Variants in FAM219A observed in about 807,000 individuals in gnomAD.
FAM219A encodes the protein protein FAM219A.
FAM219A carries 7 observed loss-of-function variants against 23.4 expected under a neutral mutation model. The observed-to-expected ratio is 0.30, with a 90% CI of 0.17 to 0.56. The LOEUF is 0.56. Among genes scored for constraint, FAM219A ranks in the 20% least tolerant of loss-of-function variants. FAM219A has a pLI of 0.92. For synonymous variants in FAM219A, 93 were observed against 99.0 expected (o/e 0.94, Z 0.36); for missense variants, 166 against 246.9 (o/e 0.67, Z 2.20).
At chr9:34,401,319 G>A (rs537092552) in intron 5 of FAM219A, among the ~76,000 whole-genome samples, 197 bp from the exon 6 acceptor site, 2 of 152,176 alleles carry the variant, frequency 1.3e-5, no homozygotes, top group East Asian at 3.9e-4. Context: ...TCTCTTTCTA[G>A]TCACCCCTCC....
At chr9:34,411,157 G>T (rs1821805732) in intron 1 of FAM219A, among the ~76,000 whole-genome samples, 1 of 152,100 alleles carries the variant, frequency 6.6e-6, no homozygotes, top group Admixed American at 6.5e-5. Context: ...GGTGATGAAA[G>T]ACCTGACCAC....
At chr9:34,425,341 A>T (rs959035656) in intron 1 of FAM219A, among the ~76,000 whole-genome samples, 19 of 151,970 alleles carry the variant, frequency 1.3e-4, no homozygotes, top group South Asian at 1.0e-3. Flanking sequence ...TTAGCTGGAC[A>T]TGGTGGTGGG....
At chr9:34,436,154 C>T (rs1311663654) in intron 1 of FAM219A, among the ~76,000 whole-genome samples, 2 of 151,750 alleles carry the variant, frequency 1.3e-5, no homozygotes, top group Non-Finnish European at 2.9e-5. Context: ...GTTGCAGCTA[C>T]TAATAACTAT....
At chr9:34,418,895 C>T (rs1822139309) in intron 1 of FAM219A, among the ~76,000 whole-genome samples, 1 of 152,072 alleles carries the variant, frequency 6.6e-6, no homozygotes, top group Admixed American at 6.6e-5. Flanking sequence ...CACAGCGAAA[C>T]CCTGTCTCTA....
At chr9:34,401,526 C>T (rs897637661) in intron 5 of FAM219A, 140 bp downstream of exon 5, 20 of 944,716 alleles carry the variant, frequency 2.1e-5, no homozygotes, top group Non-Finnish European at 3.0e-5. Flanking sequence ...CATCCTATCC[C>T]AGGCCCACCC....
At chr9:34,447,942 G>C (rs1823429887) in intron 1 of FAM219A, among the ~76,000 whole-genome samples, 1 of 151,520 alleles carries the variant, frequency 6.6e-6, no homozygotes, top group South Asian at 2.1e-4. Context: ...TGCAATTATA[G>C]CTCATTGCAG....
intron 1 of FAM219A, among the ~76,000 whole-genome samples, chr9:34,420,516 C>A (rs1279698901): frequency 6.6e-6 from 1 of 152,220 alleles, no homozygotes; most frequent in African/African-American, 2.4e-5. Context: ...CACTCACTTA[C>A]TCCCCACCTC....
intron 1 of FAM219A, among the ~76,000 whole-genome samples, chr9:34,430,465 A>G (rs752610501): frequency 6.6e-6 from 1 of 151,170 alleles, no homozygotes; most frequent in Non-Finnish European, 1.5e-5. Context: ...GTGAAACCCC[A>G]TCTGTACTAA....
chr9:34,405,748 G>C (rs1431075513), intron 2 of FAM219A, 117 bp downstream of exon 2: 1 of 1,000,382 alleles, frequency 1.0e-6, no homozygotes, highest in South Asian at 1.5e-5. Context: ...TGACTTGAAG[G>C]CTTGAGTCTT....
chr9:34,457,870 GC>G lies in FAM219A; in HGVS notation c.60+333del, dbSNP rs958075390. ...CCTCCCATCCCAGACCCCTGGGCCTGCCGCCGGCGGTGCCCCATGGCAGTTC... is the reference window on the plus strand; with the variant it reads ...CCTCCCATCCCAGACCCCTGGGCCTGCGCCGGCGGTGCCCCATGGCAGTTC... On this transcript the variant is annotated intron_variant, in intron 1 of 5. Transcript: ENST00000651358. The surrounding 1 kb of genome is among the most constrained non-coding windows in gnomAD (Gnocchi z 5.1). Among the ~76,000 whole-genome samples, 88 of 152,312 alleles carry G rather than the reference GC, an allele frequency of 5.8e-4. No individual in the cohort carries two copies. Among genetic ancestry groups the G allele is most frequent in the African/African-American group, 2.1e-3 (87 of 41,584 alleles).
chr9:34,410,573 C>G (rs1254990146), intron 1 of FAM219A, among the ~76,000 whole-genome samples: 1 of 152,182 alleles, frequency 6.6e-6, no homozygotes, highest in African/African-American at 2.4e-5. Context: ...ACGAGCTTAT[C>G]TGATTCTCAT....
intron 1 of FAM219A, among the ~76,000 whole-genome samples, chr9:34,415,763 G>A (rs901614149): frequency 1.3e-5 from 2 of 152,196 alleles, no homozygotes; most frequent in African/African-American, 4.8e-5. Context: ...CCCCAGAATC[G>A]GGAAGTGGGA....
chr9:34,401,141 G>A lies in FAM219A; in HGVS notation c.400-19C>T. On this transcript the variant is annotated intron_variant, in intron 5 of 5. Coordinates refer to ENST00000651358, the MANE Select transcript of FAM219A (RefSeq NM_001184940.2). ...TGATCTGCTGTAGGCAAAGGGGAGG[G>A]AGGTCAGGCCCGAGCGGCAGGGAGG... 1 of 1,612,056 alleles carries A rather than the reference G, an allele frequency of 6.2e-7. No homozygotes were observed. Among genetic ancestry groups the A allele is most frequent in the Non-Finnish European group, 8.5e-7 (1 of 1,179,248 alleles).
Position 34,457,026 on chromosome 9 carries a change from C to G in FAM219A, c.60+1178G>C, listed in dbSNP as rs1430367005. Among the ~76,000 whole-genome samples the G allele has an allele frequency of 6.6e-6, 1 of 152,174 alleles. No individual in the cohort carries two copies. Among genetic ancestry groups the G allele is most frequent in the African/African-American group, 2.4e-5 (1 of 41,438 alleles). On this transcript the variant is annotated intron_variant, in intron 1 of 5. Coordinates refer to ENST00000651358, the MANE Select transcript of FAM219A (RefSeq NM_001184940.2). The surrounding 1 kb of genome is among the most constrained non-coding windows in gnomAD (Gnocchi z 5.1). The stretch of plus-strand genomic sequence containing the variant: ...GGGGGTTATAGGCCCAAGGGTAGAC[C>G]TGTTTCTGGCCACCCTGCCTAACAC...
rs571666241 is a variant in FAM219A, at chr9:34,431,507, T to C, written c.61-25543A>G. ...GAATGCACCTGCTTTGTTTCCCTCA[T>C]AGATACCACAGAAATCTGGCAAAGA... On this transcript the variant is annotated intron_variant, in intron 1 of 5. Transcript: ENST00000651358. Among the ~76,000 whole-genome samples the C allele has an allele frequency of 5.3e-5, 8 of 152,308 alleles. No homozygotes were observed. The South Asian group carries it at 1.2e-3, about 24-fold the overall frequency.
intron 1 of FAM219A, among the ~76,000 whole-genome samples, chr9:34,422,914 C>T (rs1222825970): frequency 6.6e-6 from 1 of 152,028 alleles, no homozygotes; most frequent in African/African-American, 2.4e-5. Context: ...ACCTGTAATC[C>T]CAGCACTTTG....
chr9:34,454,859 ATTC>A (rs1330647834), intron 1 of FAM219A, among the ~76,000 whole-genome samples: 1 of 152,148 alleles, frequency 6.6e-6, no homozygotes, highest in African/African-American at 2.4e-5. Context: ...TGGCCTCTGG[ATTC>A]TTCCCATCAC....
At chr9:34,441,456 G>A (rs1823170469) in intron 1 of FAM219A, among the ~76,000 whole-genome samples, 1 of 152,198 alleles carries the variant, frequency 6.6e-6, no homozygotes, top group South Asian at 2.1e-4. Context: ...GCTTAGTGAA[G>A]CAGGGTGGGA....
chr9:34,402,740 C>A lies in FAM219A; in HGVS notation c.228G>T (p.Gln76His). Reference protein sequence around the residue: ...KNGSMGSPVNQQPKKNNVMAR... With the variant: ...KNGSMGSPVNHQPKKNNVMAR... Reference sequence around the variant, plus strand: ...CCATGACATTGTTCTTCTTGGGTTGCTGGTTGACAGGGCTACCCATGCTGC... The same window carrying A: ...CCATGACATTGTTCTTCTTGGGTTGATGGTTGACAGGGCTACCCATGCTGC... Residue 76 changes from glutamine to histidine, a missense_variant, in exon 3 of 6, where the codon CAG becomes CAT. This residue lies in a region of FAM219A where 89 missense variants were observed against 98.8 expected (regional missense o/e 0.90). Coordinates refer to ENST00000651358, the MANE Select transcript of FAM219A (RefSeq NM_001184940.2). 6.2e-7 allele frequency: 1 copy of A among 1,614,186 alleles called. No homozygotes were observed. Among genetic ancestry groups the A allele is most frequent in the Non-Finnish European group, 8.5e-7 (1 of 1,180,018 alleles).
Sources: allele counts gnomAD v4.1 joint callset (sites outside exome capture counted in the v4.1 genomes callset), GRCh38; gene constraint gnomAD v4.1.1; regional missense constraint gnomAD v4.1.1; non-coding constraint Gnocchi (gnomAD v3.1); transcripts MANE v1.5; gene names NCBI Gene and HGNC (gene_info 2026-07-23, HGNC 2026-07-21).